LRP1B: variants seen among roughly 807,000 people sequenced by gnomAD.
LRP1B encodes the protein LDL receptor related protein 1B, also known as low-density lipoprotein receptor-related protein 1B.
A neutral mutation model predicts 556.6 loss-of-function variants in LRP1B; 217 were observed. The ratio of observed to expected loss-of-function variants is 0.39; its 90% CI spans 0.35 to 0.44. The LOEUF (loss-of-function observed/expected upper bound fraction) is 0.44. LRP1B is among the 20% of genes least tolerant of loss of function. The pLI is 1.00. For synonymous variants in LRP1B, 2,047 were observed against 1,865.8 expected (o/e 1.10, Z -2.50); for missense variants, 5,053 against 5,620.8 (o/e 0.90, Z 3.23).
At chr2:140,602,568 C>T (rs961081312) in intron 41 of LRP1B, among the ~76,000 whole-genome samples, 3 of 151,946 alleles carry the variant, frequency 2.0e-5, no homozygotes, top group Non-Finnish European at 4.4e-5. Context: ...ATTTCCCCTG[C>T]TTTTCTCTCA....
intron 80 of LRP1B, 53 bp from the exon 81 acceptor site, chr2:140,324,119 TA>T: frequency 9.1e-7 from 1 of 1,099,796 alleles, no homozygotes; most frequent in East Asian, 2.4e-5. Context: ...ACTCAGACTT[TA>T]AAAACTATGT....
At chr2:141,631,430 A>C (rs746095008) in intron 2 of LRP1B, among the ~76,000 whole-genome samples, 2 of 151,926 alleles carry the variant, frequency 1.3e-5, no homozygotes, top group African/African-American at 2.4e-5. Flanking sequence ...CATTGTGTGA[A>C]CTGAGCTCAT....
chr2:140,378,970 G>A (rs1041737493), intron 67 of LRP1B, among the ~76,000 whole-genome samples: 1 of 152,120 alleles, frequency 6.6e-6, no homozygotes, highest in Non-Finnish European at 1.5e-5. Flanking sequence ...TCCACATAGG[G>A]CATAAGCCAC....
At chr2:141,191,130 C>T (rs994387121) in intron 6 of LRP1B, among the ~76,000 whole-genome samples, 10 of 152,064 alleles carry the variant, frequency 6.6e-5, no homozygotes, top group African/African-American at 2.4e-4. Flanking sequence ...CTCTCCATAA[C>T]TTTCTACTCT....
At chr2:141,213,141 G>A (rs1194433825) in intron 6 of LRP1B, among the ~76,000 whole-genome samples, 4 of 146,220 alleles carry the variant, frequency 2.7e-5, no homozygotes, top group East Asian at 2.0e-4. Flanking sequence ...TTGTAAAGAT[G>A]AGGTCTTGCT....
At chr2:141,140,681 A>T (rs2105054654) in intron 7 of LRP1B, among the ~76,000 whole-genome samples, 1 of 152,238 alleles carries the variant, frequency 6.6e-6, no homozygotes, top group Admixed American at 6.5e-5. Flanking sequence ...ACCTGCTGAC[A>T]CCTTGACCTT....
At chr2:141,136,966 A>T (rs576070842) in intron 7 of LRP1B, among the ~76,000 whole-genome samples, 2 of 152,066 alleles carry the variant, frequency 1.3e-5, no homozygotes, top group African/African-American at 4.8e-5. Context: ...CTGAAAGCAG[A>T]GATTAAATTA....
Position 141,827,538 on chromosome 2 carries a change from A to G in LRP1B, c.83-17137T>C, listed in dbSNP as rs149473772. ...TAATGTCAAGCAGGAGAAATTCTAC[A>G]TGAGGAATCCAGAGAGTTGACATCA... On this transcript the variant is annotated intron_variant, in intron 1 of 90. Coordinates refer to ENST00000389484, the MANE Select transcript of LRP1B (RefSeq NM_018557.3). 6.6e-4 allele frequency among the ~76,000 whole-genome samples: 100 copies of G among 152,298 alleles called. No individual in the cohort carries two copies. In the East Asian group the frequency reaches 0.019, roughly 29 times the overall value.
At chr2:141,434,882 A>T (rs1680699949) in intron 3 of LRP1B, among the ~76,000 whole-genome samples, 1 of 152,002 alleles carries the variant, frequency 6.6e-6, no homozygotes, top group Non-Finnish European at 1.5e-5. Context: ...TTTTTCTTTT[A>T]ATCTGGCTAC....
chr2:141,428,279 T>G (rs1180666771), intron 3 of LRP1B, among the ~76,000 whole-genome samples: 1 of 152,152 alleles, frequency 6.6e-6, no homozygotes, highest in Non-Finnish European at 1.5e-5. Flanking sequence ...GCATTTGCAG[T>G]TTCACCAAGT....
chr2:140,329,925 G>A (rs905485282), intron 79 of LRP1B, among the ~76,000 whole-genome samples: 1 of 151,664 alleles, frequency 6.6e-6, no homozygotes, highest in Non-Finnish European at 1.5e-5. Flanking sequence ...AAATTCATAT[G>A]GGCTGGGCTC....
At chr2:140,721,822 C>T (rs1234660666) in intron 35 of LRP1B, among the ~76,000 whole-genome samples, 2 of 151,250 alleles carry the variant, frequency 1.3e-5, no homozygotes, top group Admixed American at 1.3e-4. Flanking sequence ...TTTTGACATA[C>T]CGCAGGAGAC....
In LRP1B at chr2:141,585,466, T is replaced by TGTGTGTGA. The variant is rs1553538855; in HGVS notation, c.206-104934_206-104933insTCACACAC. 5.8e-3 allele frequency among the ~76,000 whole-genome samples: 842 copies of TGTGTGTGA among 145,534 alleles called. 10 individuals are homozygous for TGTGTGTGA. The highest frequency in any genetic ancestry group is 0.016 in the South Asian group (73 of 4,558). On this transcript the variant is annotated intron_variant, in intron 2 of 90. Coordinates refer to ENST00000389484, the MANE Select transcript of LRP1B (RefSeq NM_018557.3). Reference sequence around the variant, plus strand: ...GTGTGTGTGTGTGTGTGTGTGTGTGTGTGATGGGGTGGGGCTGAGGAAGAA... The same window carrying TGTGTGTGA: ...GTGTGTGTGTGTGTGTGTGTGTGTGTGTGTGTGAGTGATGGGGTGGGGCTGAGGAAGAA...
At position 141,523,859 on chromosome 2, in the gene LRP1B, G is replaced by A. The variant is rs76035841; in HGVS notation, c.206-43326C>T. Among the ~76,000 whole-genome samples, 48 of 152,164 alleles carry A rather than the reference G, an allele frequency of 3.2e-4. No homozygotes were observed. In the East Asian group the frequency reaches 6.8e-3, roughly 21 times the overall value. ...GTCTTACGATTCATGGATTCTTTTC[G>A]AAATTTAGCACATGCTAATTGAACA... On this transcript the variant is annotated intron_variant, in intron 2 of 90. Transcript: ENST00000389484.
chr2:141,096,243 T>C (rs1015294847), intron 7 of LRP1B, among the ~76,000 whole-genome samples: 1 of 152,144 alleles, frequency 6.6e-6, no homozygotes, highest in African/African-American at 2.4e-5. Context: ...AGAGTGTATT[T>C]ACACAAAAGA....
intron 66 of LRP1B, among the ~76,000 whole-genome samples, chr2:140,416,363 AC>A (rs1276927121): frequency 6.6e-6 from 1 of 152,090 alleles, no homozygotes; most frequent in African/African-American, 2.4e-5. Flanking sequence ...TCATATCAAA[AC>A]CCTATCAGAG....
chr2:140,747,164 T>C (rs1688345192), intron 35 of LRP1B, among the ~76,000 whole-genome samples: 1 of 152,136 alleles, frequency 6.6e-6, no homozygotes, highest in African/African-American at 2.4e-5. Context: ...ATCTGCATTA[T>C]AGGCAATGCT....
intron 1 of LRP1B, among the ~76,000 whole-genome samples, chr2:141,859,228 T>G (rs1698164310): frequency 6.6e-6 from 1 of 152,212 alleles, no homozygotes; most frequent in Admixed American, 6.5e-5. Context: ...TTCTTCTGTT[T>G]TTCTTGTTCA....
At chr2:140,451,954 T>C (rs1166489013) in intron 62 of LRP1B, among the ~76,000 whole-genome samples, 2 of 152,158 alleles carry the variant, frequency 1.3e-5, no homozygotes, top group African/African-American at 4.8e-5. Flanking sequence ...AATAATTCTA[T>C]TATTTACAGA....
Sources: gnomAD v4.1 joint callset for allele counts (sites outside exome capture counted in the v4.1 genomes callset) on GRCh38, gnomAD v4.1.1 for gene constraint, MANE v1.5 for transcripts, NCBI Gene and HGNC (gene_info 2026-07-23, HGNC 2026-07-21) for gene names.